Variants in STX8 observed in about 807,000 individuals in gnomAD.
STX8 encodes the protein syntaxin-8.
In STX8, 23 loss-of-function variants were observed where a neutral mutation model predicts 37.5. The ratio of observed to expected loss-of-function variants is 0.61; its 90% CI spans 0.44 to 0.87. The LOEUF (loss-of-function observed/expected upper bound fraction) is 0.87, where lower values mean the gene tolerates loss of function less well. STX8 is among the 40% of genes least tolerant of loss of function. The probability of loss-of-function intolerance (pLI) is 0.00; values close to 1 mark genes in which losing one functional copy is unlikely to be tolerated. For missense variants in STX8, 313 were observed against 284.7 expected, an observed-to-expected ratio of 1.10 and a Z score of -0.71; for synonymous variants, 115 against 99.1, an observed-to-expected ratio of 1.16 and a Z score of -0.95.
rs373076476 is a variant in STX8, at chr17:9,260,279, C to A, written c.644-9634G>T. Among the ~76,000 whole-genome samples, 19 of 152,090 alleles carry A rather than the reference C, an allele frequency of 1.2e-4. No individual in the cohort carries two copies. In the East Asian group the frequency reaches 3.5e-3, roughly 28 times the overall value. Reference sequence around the variant, plus strand: ...TCGAGGCTGCAGTGAGCTGTGATTGCACCACTGCACCTCAGCCTGGGTGAC... The same window carrying A: ...TCGAGGCTGCAGTGAGCTGTGATTGAACCACTGCACCTCAGCCTGGGTGAC... On this transcript the variant is annotated intron_variant, in intron 7 of 7. Coordinates refer to ENST00000306357, the MANE Select transcript of STX8 (RefSeq NM_004853.3).
chr17:9,327,157 CAAAAA>C (rs1248061676), intron 7 of STX8, among the ~76,000 whole-genome samples: 1 of 81,028 alleles, frequency 1.2e-5, no homozygotes, highest in Non-Finnish European at 2.4e-5. Context: ...AACTCTGTCT[CAAAAA>C]AAAAAAAAGA....
At position 9,385,366 on chromosome 17, in the gene STX8, AAATT is replaced by A. The variant is rs796607453; in HGVS notation, c.542-6717_542-6714del. ...TGTTCATCCAAAGATACTATTACAA[AAATT>A]AATAAATAAGCCACAGAATGGTAGA... is the stretch of plus-strand genomic sequence containing the variant. On this transcript the variant is annotated intron_variant, in intron 6 of 7. Transcript: ENST00000306357. 6.9e-4 allele frequency among the ~76,000 whole-genome samples: 105 copies of A among 152,362 alleles called. 2 individuals carry two copies. Among genetic ancestry groups the A allele is most frequent in the African/African-American group, 2.4e-3 (101 of 41,582 alleles).
At chr17:9,575,736 A>G in intron 1 of STX8, 56 bp downstream of exon 1, 2 of 1,542,858 alleles carry the variant, frequency 1.3e-6, no homozygotes, top group Non-Finnish European at 1.8e-6. Flanking sequence ...TGCTCTCCGG[A>G]AGCCCGGCCT....
Position 9,449,835 on chromosome 17 carries a change from G to A in STX8, c.541+41994C>T, listed in dbSNP as rs759849378. Among the ~76,000 whole-genome samples, 95 of 151,816 alleles carry A rather than the reference G, an allele frequency of 6.3e-4. 1 individual carries two copies. The highest frequency in any genetic ancestry group is 1.7e-3 in the Admixed American group (26 of 15,252). ...GGGTCTACCTGTAAAGGGGTTGAAT[G>A]AGCCAAGCACAGGTGGCACACACCT... On this transcript the variant is annotated intron_variant, in intron 6 of 7. Coordinates refer to ENST00000306357, the MANE Select transcript of STX8 (RefSeq NM_004853.3).
chr17:9,487,559 C>G (rs11658443), intron 6 of STX8, among the ~76,000 whole-genome samples: 1 of 152,136 alleles, frequency 6.6e-6, no homozygotes, highest in African/African-American at 2.4e-5. Flanking sequence ...GCCCTATCTC[C>G]GAGGAGCAAA....
At chr17:9,514,067 C>T (rs1397489262) in intron 4 of STX8, among the ~76,000 whole-genome samples, 1 of 152,118 alleles carries the variant, frequency 6.6e-6, no homozygotes, top group Non-Finnish European at 1.5e-5. Context: ...TTAAGGGACA[C>T]ACAATTATAG....
intron 6 of STX8, among the ~76,000 whole-genome samples, chr17:9,431,945 G>C (rs1914000670): frequency 6.6e-6 from 1 of 152,064 alleles, no homozygotes; most frequent in Non-Finnish European, 1.5e-5. Context: ...CAGCATACAG[G>C]ATACCCCTCT....
At chr17:9,460,613 C>A (rs528202753) in intron 6 of STX8, among the ~76,000 whole-genome samples, 21 of 140,558 alleles carry the variant, frequency 1.5e-4, no homozygotes, top group Non-Finnish European at 3.0e-4. Flanking sequence ...GTGGAGGTTG[C>A]AGTGAGCCGA....
chr17:9,488,326 TA>T (rs370708789), intron 6 of STX8, among the ~76,000 whole-genome samples: 11 of 149,196 alleles, frequency 7.4e-5, no homozygotes, highest in Admixed American at 2.7e-4. Flanking sequence ...AACTCTGTCT[TA>T]AAAAAAAAAA....
Position 9,507,564 on chromosome 17 carries a change from G to A in STX8, c.324-2402C>T, listed in dbSNP as rs1012502288. Among the ~76,000 whole-genome samples, 4 of 152,154 alleles carry A rather than the reference G, an allele frequency of 2.6e-5. No individual in the cohort carries two copies. The highest frequency in any genetic ancestry group is 9.7e-5 in the African/African-American group (4 of 41,432). On this transcript the variant is annotated intron_variant, in intron 4 of 7. Transcript: ENST00000306357. This position sits in a 1 kb window ranked among gnomAD's most constrained non-coding sequence, Gnocchi z 4.0. ...GCCCATGTCCCAAACCTGAGAAACA[G>A]CCCAACAGGCCACCTCTGGCAGGCA...
At chr17:9,557,597 A>T (rs1171970682) in intron 2 of STX8, 69 bp from the exon 3 acceptor site, 1 of 1,352,106 alleles carries the variant, frequency 7.4e-7, no homozygotes, top group African/African-American at 1.4e-5. Context: ...TACATCACGT[A>T]AACACTACTT....
chr17:9,374,651 T>C (rs1392132742), intron 7 of STX8, among the ~76,000 whole-genome samples: 1 of 152,170 alleles, frequency 6.6e-6, no homozygotes, highest in Non-Finnish European at 1.5e-5. Context: ...GTATCAGGCA[T>C]AGGAAATAAG....
chr17:9,269,955 T>C (rs1363929704), intron 7 of STX8, among the ~76,000 whole-genome samples: 1 of 152,246 alleles, frequency 6.6e-6, no homozygotes, highest in Non-Finnish European at 1.5e-5. Flanking sequence ...ATGCTGCTTC[T>C]GTATACTAAA....
At chr17:9,350,595 C>T (rs200963369) in intron 7 of STX8, among the ~76,000 whole-genome samples, 4 of 152,022 alleles carry the variant, frequency 2.6e-5, no homozygotes, top group Admixed American at 6.6e-5. Flanking sequence ...TGCAGTGGCA[C>T]GATCTCGGCT....
chr17:9,341,556 C>G (rs941879954), intron 7 of STX8, among the ~76,000 whole-genome samples: 2 of 152,148 alleles, frequency 1.3e-5, no homozygotes, highest in African/African-American at 4.8e-5. Flanking sequence ...CCTGCCTCAG[C>G]CTCCCGAGTA....
chr17:9,417,698 C>T, intron 6 of STX8, among the ~76,000 whole-genome samples: 1 of 152,098 alleles, frequency 6.6e-6, no homozygotes, highest in East Asian at 1.9e-4. Flanking sequence ...AACTCTTAGC[C>T]CCCAAACCCA....
intron 7 of STX8, among the ~76,000 whole-genome samples, chr17:9,317,487 C>T (rs781138048): frequency 5.3e-5 from 8 of 152,284 alleles, no homozygotes; most frequent in East Asian, 3.9e-4. Context: ...GGCTGTTGGC[C>T]GGGCGCGGTG....
intron 6 of STX8, among the ~76,000 whole-genome samples, chr17:9,421,084 C>A (rs1291796992): frequency 6.6e-6 from 1 of 152,108 alleles, no homozygotes. Flanking sequence ...CCTAATCTAA[C>A]CTTTGCATTA....
At chr17:9,499,927 G>A (rs1036756489) in intron 5 of STX8, among the ~76,000 whole-genome samples, 3 of 152,176 alleles carry the variant, frequency 2.0e-5, no homozygotes, top group African/African-American at 4.8e-5. Context: ...TCTCCGGGAC[G>A]AGCATACTCT....
Sources: gnomAD v4.1 joint callset for allele counts (sites outside exome capture counted in the v4.1 genomes callset) on GRCh38, gnomAD v4.1.1 for gene constraint, Gnocchi (gnomAD v3.1) non-coding constraint, MANE v1.5 for transcripts, NCBI Gene and HGNC (gene_info 2026-07-23, HGNC 2026-07-21) for gene names.